Variants in NEGR1 observed in about 807,000 individuals in gnomAD.
The protein encoded by NEGR1 is IgLON family member 4.
In NEGR1, 10 loss-of-function variants were observed where a neutral mutation model predicts 40.9. The observed-to-expected ratio is 0.24, with a 90% CI of 0.15 to 0.42. NEGR1 has a LOEUF of 0.42. NEGR1 is among the 10% of genes least tolerant of loss of function. NEGR1 has a pLI of 1.00. For synonymous variants in NEGR1, 185 were observed against 166.8 expected (o/e 1.11, Z -0.84); for missense variants, 352 against 438.9 (o/e 0.80, Z 1.77).
intron 1 of NEGR1, among the ~76,000 whole-genome samples, chr1:72,067,415 A>AGATAAAATG (rs1647302252): frequency 1.3e-5 from 2 of 152,156 alleles, no homozygotes; most frequent in Admixed American, 1.3e-4. Flanking sequence ...AGCAAACAGA[A>AGATAAAATG]GATAAAATGC....
In NEGR1 at chr1:71,703,325, C is replaced by A. The variant is rs573301295; in HGVS notation, c.536-5186G>T. 5.9e-5 allele frequency: 9 copies of A among 151,564 alleles called. No homozygotes were observed. In the South Asian group the frequency reaches 1.7e-3, roughly 28 times the overall value. 9.4% of individuals were successfully genotyped at this position (151,564 alleles called of 1,614,324 possible). A position where few individuals can be genotyped will look rare whatever the true frequency, so the allele number is the denominator to read the frequency against. ...AAATAATTTGCAGGTGATACAGGAG[C>A]CTGTTTAAAAAAAATCCAACACTCT... On this transcript the variant is annotated intron_variant, in intron 3 of 6. Transcript: ENST00000357731.
intron 2 of NEGR1, among the ~76,000 whole-genome samples, chr1:71,796,563 GT>G (rs1195694774): frequency 6.6e-6 from 1 of 152,150 alleles, no homozygotes; most frequent in Non-Finnish European, 1.5e-5. Context: ...AAGGTTTTTT[GT>G]TTTGTTTTGT....
chr1:71,747,281 T>A (rs1334698351), intron 3 of NEGR1, among the ~76,000 whole-genome samples: 1 of 152,142 alleles, frequency 6.6e-6, no homozygotes, highest in Non-Finnish European at 1.5e-5. Flanking sequence ...GGATCAGATA[T>A]CATAGATATG....
intron 2 of NEGR1, 34 bp downstream of exon 2, chr1:71,935,045 T>G (rs768937481): frequency 8.1e-7 from 1 of 1,229,728 alleles, no homozygotes; most frequent in Non-Finnish European, 1.2e-6. Flanking sequence ...CTAAGCACAG[T>G]CTTTCACAAT....
intron 2 of NEGR1, among the ~76,000 whole-genome samples, chr1:71,882,725 A>AG (rs1193561879): frequency 3.2e-5 from 4 of 123,492 alleles, no homozygotes; most frequent in Non-Finnish European, 7.2e-5. Flanking sequence ...CATCGTCTTC[A>AG]GAAAAAAAAA....
At chr1:72,164,433 A>G (rs1479389340) in intron 1 of NEGR1, among the ~76,000 whole-genome samples, 2 of 152,152 alleles carry the variant, frequency 1.3e-5, no homozygotes, top group African/African-American at 4.8e-5. Flanking sequence ...ACTGTCACAC[A>G]AACCTCTGAA....
chr1:71,399,399 C>A lies in NEGR1; in HGVS notation c.*8047G>T, dbSNP rs1452244506. 1 of 151,968 alleles carries A rather than the reference C, an allele frequency of 6.6e-6. No homozygotes were observed. Among genetic ancestry groups the A allele is most frequent in the East Asian group, 1.9e-4 (1 of 5,194 alleles). The allele number at this position is 151,968 out of a possible 1,614,324, so 9.4% of individuals were successfully genotyped here. A position where few individuals can be genotyped will look rare whatever the true frequency, so the allele number is the denominator to read the frequency against. ...TGTATTACAAGAAATTAATTTATTC[C>A]AAATTTTTTTAAAAATCTGCTTTTC... is the stretch of plus-strand genomic sequence containing the variant. On this transcript the variant is annotated 3_prime_UTR_variant, in exon 7 of 7. Coordinates refer to ENST00000357731, the MANE Select transcript of NEGR1 (RefSeq NM_173808.3).
intron 6 of NEGR1, among the ~76,000 whole-genome samples, chr1:71,473,235 A>G (rs1006750688): frequency 2.6e-5 from 4 of 152,084 alleles, no homozygotes; most frequent in Non-Finnish European, 5.9e-5. Context: ...ATACTTACAT[A>G]TTTTATAACA....
At chr1:71,413,985 C>T (rs1363666391) in intron 6 of NEGR1, among the ~76,000 whole-genome samples, 1 of 152,068 alleles carries the variant, frequency 6.6e-6, no homozygotes, top group African/African-American at 2.4e-5. Context: ...CCTTAAATTA[C>T]TCAAGCTTTA....
At chr1:71,942,245 C>T (rs1340038463) in intron 1 of NEGR1, among the ~76,000 whole-genome samples, 2 of 147,916 alleles carry the variant, frequency 1.4e-5, no homozygotes, top group South Asian at 2.1e-4. Flanking sequence ...ATTATAAGAC[C>T]AAATCCTCGA....
At chr1:72,265,735 A>AT (rs1655616474) in intron 1 of NEGR1, among the ~76,000 whole-genome samples, 1 of 150,974 alleles carries the variant, frequency 6.6e-6, no homozygotes, top group Non-Finnish European at 1.5e-5. Flanking sequence ...TGAGCTTCCT[A>AT]TTTTTATAAA....
chr1:72,066,348 T>C (rs1647271687), intron 1 of NEGR1, among the ~76,000 whole-genome samples: 1 of 152,162 alleles, frequency 6.6e-6, no homozygotes, highest in African/African-American at 2.4e-5. Context: ...GAGAACATCA[T>C]AATTGTGTAA....
intron 2 of NEGR1, among the ~76,000 whole-genome samples, chr1:71,883,411 GAAA>G (rs1439260588): frequency 6.6e-6 from 1 of 151,832 alleles, no homozygotes; most frequent in Non-Finnish European, 1.5e-5. Context: ...TAAATAAATA[GAAA>G]AATAAAAGCC....
chr1:72,229,299 A>G (rs140736119), intron 1 of NEGR1, among the ~76,000 whole-genome samples: 2,072 of 150,640 alleles, frequency 0.014, 28 homozygotes, highest in Non-Finnish European at 0.022. Flanking sequence ...ACAGTAATGT[A>G]ATTACACACA....
At chr1:71,849,176 T>C (rs928983522) in intron 2 of NEGR1, among the ~76,000 whole-genome samples, 1 of 152,144 alleles carries the variant, frequency 6.6e-6, no homozygotes, top group Non-Finnish European at 1.5e-5. Context: ...TAAAGTAAAT[T>C]GAATACCTTC....
At chr1:72,245,796 A>C (rs1369142143) in intron 1 of NEGR1, among the ~76,000 whole-genome samples, 1 of 152,166 alleles carries the variant, frequency 6.6e-6, no homozygotes, top group Non-Finnish European at 1.5e-5. Context: ...ATATTCCATT[A>C]ATCCAAAACC....
At chr1:72,008,178 C>T (rs1331742974) in intron 1 of NEGR1, among the ~76,000 whole-genome samples, 2 of 151,956 alleles carry the variant, frequency 1.3e-5, no homozygotes, top group South Asian at 2.1e-4. Context: ...TATTACTATG[C>T]ACATTTTAGA....
chr1:71,697,975 G>A, intron 4 of NEGR1, 33 bp downstream of exon 4: 1 of 1,593,754 alleles, frequency 6.3e-7, no homozygotes. Context: ...TCTTTTCTCA[G>A]AACTTATCTT....
rs574275228 is a variant in NEGR1, at chr1:71,474,816, T to C, written c.941-67246A>G. 8.0e-4 allele frequency among the ~76,000 whole-genome samples: 121 copies of C among 151,766 alleles called. 1 individual carries two copies. The highest frequency in any genetic ancestry group is 9.9e-4 in the Non-Finnish European group (67 of 67,930). ...GGGAAGAGGTTACTGAATATACTTA[T>C]TTAAACTTTGTTAGAAATATTTGTA... On this transcript the variant is annotated intron_variant, in intron 6 of 6. Transcript: ENST00000357731.
Sources: gnomAD v4.1 joint callset for allele counts (sites outside exome capture counted in the v4.1 genomes callset) on GRCh38, gnomAD v4.1.1 for gene constraint, MANE v1.5 for transcripts, NCBI Gene and HGNC (gene_info 2026-07-23, HGNC 2026-07-21) for gene names.